TMEM178B: variants seen among roughly 807,000 people sequenced by gnomAD.
TMEM178B encodes transmembrane protein 178B.
A neutral mutation model predicts 31.0 loss-of-function variants in TMEM178B; 5 were observed. The observed-to-expected ratio is 0.16, with a 90% CI of 0.08 to 0.34. TMEM178B has a LOEUF of 0.34. Among genes scored for constraint, TMEM178B ranks in the 10% least tolerant of loss-of-function variants. The probability of loss-of-function intolerance (pLI) is 1.00; values close to 1 mark genes in which losing one functional copy is unlikely to be tolerated. For synonymous variants in TMEM178B, 164 were observed against 164.0 expected (o/e 1.00, Z 0.00); for missense variants, 275 against 400.3 (o/e 0.69, Z 2.67).
intron 1 of TMEM178B, among the ~76,000 whole-genome samples, chr7:141,122,311 C>T (rs1047639099): frequency 7.2e-5 from 11 of 152,046 alleles, no homozygotes; most frequent in South Asian, 4.1e-4. Flanking sequence ...GGGAAAAAAG[C>T]GGAAATCTAG....
chr7:141,445,653 T>A (rs1186988529), intron 3 of TMEM178B, among the ~76,000 whole-genome samples: 1 of 152,158 alleles, frequency 6.6e-6, no homozygotes, highest in Non-Finnish European at 1.5e-5. Context: ...AGGGAGAATA[T>A]ATTCAGTAAG....
chr7:141,265,209 G>T (rs1370751767), intron 2 of TMEM178B, among the ~76,000 whole-genome samples: 1 of 152,104 alleles, frequency 6.6e-6, no homozygotes, highest in Non-Finnish European at 1.5e-5. Flanking sequence ...TCTTTCATGT[G>T]TTTATTTCAA....
rs1796342379 is a variant in TMEM178B, at chr7:141,171,053, CA to C, written c.383-41537del. On this transcript the variant is annotated intron_variant, in intron 1 of 3. Coordinates refer to ENST00000565468, the MANE Select transcript of TMEM178B (RefSeq NM_001195278.2). The surrounding 1 kb of genome is among the most constrained non-coding windows in gnomAD (Gnocchi z 4.3). ...ACACACACACACACACACACACACA[CA>C]CACACACACACCCTAAATATAAATT... Among the ~76,000 whole-genome samples the C allele has an allele frequency of 6.2e-5, 4 of 64,818 alleles. No individual in the cohort carries two copies. Among genetic ancestry groups the C allele is most frequent in the South Asian group, 3.4e-4 (1 of 2,956 alleles). 42.5% of individuals were successfully genotyped at this position (64,818 alleles called of 152,430 possible).
intron 2 of TMEM178B, among the ~76,000 whole-genome samples, chr7:141,230,288 A>G (rs1159612034): frequency 1.3e-5 from 2 of 152,184 alleles, no homozygotes; most frequent in African/African-American, 4.8e-5. Context: ...ATAATGCCAA[A>G]TTGCTTTCCA....
chr7:141,212,701 C>T lies in TMEM178B; in HGVS notation c.493C>T (p.Leu165=). 3.9e-6 allele frequency: 6 copies of T among 1,535,558 alleles called. No homozygotes were observed. The highest frequency in any genetic ancestry group is 4.4e-6 in the Non-Finnish European group (5 of 1,146,438). Residue 165 remains leucine (L), a synonymous_variant, in exon 2 of 4, where the codon CTA becomes TTA. Transcript: ENST00000565468. The part of the protein sequence containing the change: ...KTIRQDEWHA[L]HLRRMTAGFM... Reference sequence around the variant, plus strand: ...CATCCGTCAGGATGAGTGGCATGCCCTACGTAAGTGCACCTGAGTCTCAGT... The same window carrying T: ...CATCCGTCAGGATGAGTGGCATGCCTTACGTAAGTGCACCTGAGTCTCAGT...
chr7:141,175,353 T>G (rs1796410649), intron 1 of TMEM178B, among the ~76,000 whole-genome samples: 1 of 152,206 alleles, frequency 6.6e-6, no homozygotes, highest in African/African-American at 2.4e-5. Flanking sequence ...CATGCTCTTT[T>G]GGTTACTGTA....
chr7:141,255,341 A>G (rs1797909696), intron 2 of TMEM178B, among the ~76,000 whole-genome samples: 1 of 152,220 alleles, frequency 6.6e-6, no homozygotes, highest in South Asian at 2.1e-4. Flanking sequence ...GCATGTTGTT[A>G]TTTGACAAGA....
At chr7:141,220,152 T>C (rs1297410328) in intron 2 of TMEM178B, among the ~76,000 whole-genome samples, 1 of 151,770 alleles carries the variant, frequency 6.6e-6, no homozygotes, top group Non-Finnish European at 1.5e-5. Context: ...AACTCGTCTT[T>C]ACTAAAAATA....
chr7:141,226,750 C>T (rs558198345), intron 2 of TMEM178B, among the ~76,000 whole-genome samples: 2 of 150,816 alleles, frequency 1.3e-5, no homozygotes, highest in African/African-American at 4.9e-5. Flanking sequence ...TCCAGCTACT[C>T]AAGTGGCTAA....
In TMEM178B at chr7:141,159,397, C is replaced by T. The variant is rs151107301; in HGVS notation, c.383-53194C>T. On this transcript the variant is annotated intron_variant, in intron 1 of 3. Coordinates refer to ENST00000565468, the MANE Select transcript of TMEM178B (RefSeq NM_001195278.2). The stretch of plus-strand genomic sequence containing the variant: ...CTCTGGAAAACAGTATGGTAGCTCC[C>T]CCAAAAATTAAATATAGAACTACTG... 4.4e-3 allele frequency among the ~76,000 whole-genome samples: 667 copies of T among 152,236 alleles called. 6 individuals carry two copies. Among genetic ancestry groups the T allele is most frequent in the African/African-American group, 0.015 (630 of 41,542 alleles).
intron 1 of TMEM178B, among the ~76,000 whole-genome samples, chr7:141,104,728 C>G (rs1290625248): frequency 1.3e-5 from 2 of 152,164 alleles, no homozygotes; most frequent in East Asian, 3.9e-4. Context: ...AGGCCTCTCT[C>G]CTGGGCTTGT....
chr7:141,390,369 T>G (rs1309432808), intron 2 of TMEM178B, among the ~76,000 whole-genome samples: 1 of 152,218 alleles, frequency 6.6e-6, no homozygotes, highest in Non-Finnish European at 1.5e-5. Flanking sequence ...GTGGTTTCTA[T>G]TCTCAAGTGA....
At chr7:141,097,793 C>CTTTTTTTTTTTTTTTT in intron 1 of TMEM178B, among the ~76,000 whole-genome samples, 1 of 125,932 alleles carries the variant, frequency 7.9e-6, no homozygotes. Context: ...TTCTTTCTTT[C>CTTTTTTTTTTTTTTTT]TTTTTTTTTT....
intron 1 of TMEM178B, among the ~76,000 whole-genome samples, chr7:141,198,611 G>A (rs1046470422): frequency 6.6e-6 from 1 of 152,174 alleles, no homozygotes; most frequent in African/African-American, 2.4e-5. Context: ...TGCCAGACTG[G>A]CCTCCTTCCC....
chr7:141,118,926 G>A (rs1795366655), intron 1 of TMEM178B, among the ~76,000 whole-genome samples: 1 of 152,220 alleles, frequency 6.6e-6, no homozygotes, highest in African/African-American at 2.4e-5. Context: ...CTAATTATGT[G>A]TTAATCTTAT....
At chr7:141,448,062 C>T (rs1406570028) in intron 3 of TMEM178B, among the ~76,000 whole-genome samples, 1 of 151,794 alleles carries the variant, frequency 6.6e-6, no homozygotes, top group Non-Finnish European at 1.5e-5. Flanking sequence ...CCCCTTCTCC[C>T]TAACCAGTCT....
chr7:141,462,315 T>G (rs1188302380), intron 3 of TMEM178B, among the ~76,000 whole-genome samples: 1 of 152,200 alleles, frequency 6.6e-6, no homozygotes, highest in African/African-American at 2.4e-5. Context: ...TTTGGGCTTA[T>G]GGAGGTAGCA....
At chr7:141,239,477 T>C (rs1264985873) in intron 2 of TMEM178B, among the ~76,000 whole-genome samples, 1 of 152,156 alleles carries the variant, frequency 6.6e-6, no homozygotes, top group African/African-American at 2.4e-5. Flanking sequence ...TGACCTGTCA[T>C]TGGGTGCCAG....
At chr7:141,294,765 A>T (rs908470037) in intron 2 of TMEM178B, among the ~76,000 whole-genome samples, 1 of 152,194 alleles carries the variant, frequency 6.6e-6, no homozygotes, top group Non-Finnish European at 1.5e-5. Flanking sequence ...GAGAGAAAGT[A>T]CATCCTGAAC....
Sources: allele counts gnomAD v4.1 joint callset (sites outside exome capture counted in the v4.1 genomes callset), GRCh38; gene constraint gnomAD v4.1.1; non-coding constraint Gnocchi (gnomAD v3.1); transcripts MANE v1.5; gene names NCBI Gene and HGNC (gene_info 2026-07-23, HGNC 2026-07-21).